FTCDNL1: variants seen among roughly 807,000 people sequenced by gnomAD.
FTCDNL1 encodes formiminotransferase cyclodeaminase N-terminal like.
A neutral mutation model predicts 5.9 loss-of-function variants in FTCDNL1; 11 were observed. That is an observed-to-expected ratio of 1.87 (90% CI 1.18 to 3.10). FTCDNL1 has a LOEUF of 3.10. FTCDNL1 is among the 30% of genes most tolerant of loss of function. FTCDNL1 has a pLI of 0.00. For missense variants in FTCDNL1, 115 were observed against 65.5 expected, an observed-to-expected ratio of 1.76 and a Z score of -2.61; for synonymous variants, 58 against 24.8, an observed-to-expected ratio of 2.34 and a Z score of -3.99.
chr2:199,831,938 C>G (rs72924472), intron 3 of FTCDNL1, among the ~76,000 whole-genome samples: 3,174 of 152,234 alleles, frequency 0.021, 61 homozygotes, highest in East Asian at 0.098. Flanking sequence ...GACCTATCTA[C>G]TCTCCTCCCT....
chr2:199,846,128 T>G lies in FTCDNL1; in HGVS notation c.158A>C (p.Asp53Ala), dbSNP rs971091958. The change falls in exon 3 of 5, where the codon GAT becomes GCT. Residue 53 changes from aspartate to alanine, a missense_variant. Physicochemically the swap from Asp to Ala is moderately radical, Grantham distance 126. Transcript: ENST00000420128. ...PQVSVLNIFSDQDYKRSVITI... is the reference protein window; with the variant it reads ...PQVSVLNIFSAQDYKRSVITI... Reference sequence around the variant, plus strand: ...AATGACTGATCTCTTGTAGTCTTGATCGGAAAATATATTGAGCACTGAAAC... The same window carrying G: ...AATGACTGATCTCTTGTAGTCTTGAGCGGAAAATATATTGAGCACTGAAAC... 1.6e-5 allele frequency: 11 copies of G among 700,106 alleles called. No homozygotes were observed. The Admixed American group carries it at 2.2e-4, about 14-fold the overall frequency. 43.4% of individuals were successfully genotyped at this position (700,106 alleles called of 1,614,324 possible). A position where few individuals can be genotyped will look rare whatever the true frequency, so the allele number is the denominator to read the frequency against.
At chr2:199,728,857 G>C in the FTCDNL1 span, among the ~76,000 whole-genome samples, 1 of 152,184 alleles carries the variant, frequency 6.6e-6, no homozygotes, top group Admixed American at 6.5e-5. Flanking sequence ...ATGAACATCA[G>C]GGCATGATTG....
At chr2:199,836,708 G>A (rs144379681) in intron 3 of FTCDNL1, among the ~76,000 whole-genome samples, 1 of 152,234 alleles carries the variant, frequency 6.6e-6, no homozygotes, top group African/African-American at 2.4e-5. Context: ...CAAGGCTACA[G>A]TGAGCCACAA....
the FTCDNL1 span, among the ~76,000 whole-genome samples, chr2:199,749,520 G>A: frequency 1.0e-4 from 14 of 137,164 alleles, no homozygotes; most frequent in African/African-American, 3.3e-4. Context: ...AATCACATAC[G>A]AAATAAATTC....
At chr2:199,814,319 G>C (rs946223352) in intron 4 of FTCDNL1, among the ~76,000 whole-genome samples, 2 of 152,196 alleles carry the variant, frequency 1.3e-5, no homozygotes, top group African/African-American at 4.8e-5. Context: ...AGAAAAGAAA[G>C]CTAAGTGAGA....
At chr2:199,815,939 G>A (rs879482371) in intron 4 of FTCDNL1, among the ~76,000 whole-genome samples, 5 of 151,874 alleles carry the variant, frequency 3.3e-5, no homozygotes, top group Admixed American at 3.3e-4. Context: ...GGCGGAAGTT[G>A]CAGTGAGTTG....
the FTCDNL1 span, among the ~76,000 whole-genome samples, chr2:199,752,754 G>C: frequency 7.1e-6 from 1 of 140,548 alleles, no homozygotes; most frequent in African/African-American, 2.6e-5. Flanking sequence ...GTGTGTGTGT[G>C]TGTGTGTGTG....
At chr2:199,765,802 C>A (rs1463462835) in intron 3 of FTCDNL1, among the ~76,000 whole-genome samples, 1 of 151,802 alleles carries the variant, frequency 6.6e-6, no homozygotes, top group Non-Finnish European at 1.5e-5. Context: ...TTCACTTTCC[C>A]AAAGTACTGG....
the FTCDNL1 span, among the ~76,000 whole-genome samples, chr2:199,683,096 A>C: frequency 6.6e-6 from 1 of 152,154 alleles, no homozygotes; most frequent in Non-Finnish European, 1.5e-5. Context: ...TTCAGGTCTA[A>C]AGTTTTGCAC....
At chr2:199,818,516 A>C (rs1351374051) in intron 4 of FTCDNL1, 2 of 152,176 alleles carry the variant, frequency 1.3e-5, no homozygotes, top group East Asian at 1.9e-4. Context: ...CGGGAACCAA[A>C]GCATAATGAG....
At chr2:199,669,624 C>T in the FTCDNL1 span, among the ~76,000 whole-genome samples, 1 of 152,120 alleles carries the variant, frequency 6.6e-6, no homozygotes, top group South Asian at 2.1e-4. Flanking sequence ...GTTTCTGATT[C>T]GTTTTTATTT....
At chr2:199,837,661 A>C (rs1702844113) in intron 3 of FTCDNL1, among the ~76,000 whole-genome samples, 1 of 152,222 alleles carries the variant, frequency 6.6e-6, no homozygotes, top group Admixed American at 6.5e-5. Flanking sequence ...CCAAGTCATA[A>C]GAATAATTGA....
At chr2:199,735,394 T>C in the FTCDNL1 span, among the ~76,000 whole-genome samples, 1 of 152,144 alleles carries the variant, frequency 6.6e-6, no homozygotes, top group East Asian at 1.9e-4. Flanking sequence ...CTTTATGAGA[T>C]CCATTGTGCA....
chr2:199,778,191 G>A (rs1699187028), intron 3 of FTCDNL1, among the ~76,000 whole-genome samples: 1 of 152,148 alleles, frequency 6.6e-6, no homozygotes, highest in African/African-American at 2.4e-5. Context: ...AATGTGGCCA[G>A]CTGATACATA....
At chr2:199,722,161 T>A in the FTCDNL1 span, among the ~76,000 whole-genome samples, 4 of 152,236 alleles carry the variant, frequency 2.6e-5, no homozygotes, top group Admixed American at 6.5e-5. Flanking sequence ...TTTGCTTTTG[T>A]TGCAATTGCT....
intron 4 of FTCDNL1, among the ~76,000 whole-genome samples, chr2:199,813,847 G>C (rs563359753): frequency 6.8e-6 from 1 of 146,522 alleles, no homozygotes; most frequent in African/African-American, 2.5e-5. Context: ...GGAGGCAGAG[G>C]TTGCAGTGAG....
At chr2:199,801,797 G>T (rs1700465033) in intron 3 of FTCDNL1, among the ~76,000 whole-genome samples, 1 of 151,742 alleles carries the variant, frequency 6.6e-6, no homozygotes, top group Admixed American at 6.6e-5. Context: ...AATTAGCCAG[G>T]CGTAGCGCCG....
the FTCDNL1 span, among the ~76,000 whole-genome samples, chr2:199,749,327 T>C: frequency 2.6e-4 from 40 of 152,184 alleles, 1 homozygote; most frequent in Non-Finnish European, 7.4e-5. Flanking sequence ...AAGGAAATCA[T>C]GGCAGTGAGG....
the FTCDNL1 span, among the ~76,000 whole-genome samples, chr2:199,688,908 T>C: frequency 6.6e-6 from 1 of 152,178 alleles, no homozygotes; most frequent in Non-Finnish European, 1.5e-5. Flanking sequence ...GCACTTCTTC[T>C]GCCCTGCCCA....
Sources: allele counts gnomAD v4.1 joint callset (sites outside exome capture counted in the v4.1 genomes callset), GRCh38; gene constraint gnomAD v4.1.1; transcripts MANE v1.5; gene names NCBI Gene and HGNC (gene_info 2026-07-23, HGNC 2026-07-21).